Variants in HMMR observed in about 807,000 individuals in gnomAD.
The protein encoded by HMMR is hyaluronan mediated motility receptor.
HMMR carries 108 observed loss-of-function variants against 101.0 expected under a neutral mutation model. The ratio of observed to expected loss-of-function variants is 1.07; its 90% CI spans 0.92 to 1.25. The LOEUF (loss-of-function observed/expected upper bound fraction) is 1.25, where lower values mean the gene tolerates loss of function less well. HMMR is among the 50% of genes most tolerant of loss of function. The pLI is 0.00. For missense variants in HMMR, 813 were observed against 788.7 expected (o/e 1.03, Z -0.37); for synonymous variants, 296 against 276.4 (o/e 1.07, Z -0.70).
At position 163,484,216 on chromosome 5, in the gene HMMR, T is replaced by C. The variant is rs767652329; in HGVS notation, c.1933T>C (p.Leu645=). 7.5e-6 allele frequency: 12 copies of C among 1,600,254 alleles called. No individual in the cohort carries two copies. The East Asian group carries it at 2.5e-4, about 33-fold the overall frequency. ...ACAAAAAATCAAGCATGTTGTGAAG[T>C]TGAAAGATGAAAATAGCCAACTCAA... is the stretch of plus-strand genomic sequence containing the variant. The part of the protein sequence containing the change: ...LKQKIKHVVK[L]KDENSQLKSE... Residue 645 remains leucine (L), a synonymous_variant, in exon 16 of 18, where the codon TTG becomes CTG. Coordinates refer to ENST00000393915, the MANE Select transcript of HMMR (RefSeq NM_001142556.2).
At chr5:163,484,290 G>T (rs1392294461) in intron 16 of HMMR, 45 bp downstream of exon 16, 4 of 1,003,304 alleles carry the variant, frequency 4.0e-6, no homozygotes, top group Admixed American at 2.6e-5. Flanking sequence ...TTGGAGTGGG[G>T]GTTATTCTAA....
At chr5:163,479,671 G>A (rs910533569) in intron 12 of HMMR, among the ~76,000 whole-genome samples, 5 of 151,988 alleles carry the variant, frequency 3.3e-5, no homozygotes, top group South Asian at 2.1e-4. Context: ...AAAAACAAAC[G>A]AAAAATAAAT....
chr5:163,486,135 T>C (rs1759469499), intron 16 of HMMR, among the ~76,000 whole-genome samples: 1 of 152,230 alleles, frequency 6.6e-6, no homozygotes, highest in South Asian at 2.1e-4. Context: ...CTCTTGCAAT[T>C]CTATATTAAT....
chr5:163,470,349 C>T (rs1758845964), intron 5 of HMMR, among the ~76,000 whole-genome samples: 1 of 152,192 alleles, frequency 6.6e-6, no homozygotes, highest in African/African-American at 2.4e-5. Context: ...AGGCCAGCCA[C>T]AGTGGCTCAC....
intron 3 of HMMR, 31 bp downstream of exon 3, chr5:163,464,833 T>G: frequency 7.6e-7 from 1 of 1,315,148 alleles, no homozygotes; most frequent in African/African-American, 1.5e-5. Flanking sequence ...AGCTGGTTTA[T>G]CAAGTGTATC....
chr5:163,469,743 GA>G lies in HMMR; in HGVS notation c.382del (p.Thr128HisfsTer17), dbSNP rs1758815650. 6.2e-7 allele frequency: 1 copy of G among 1,612,992 alleles called. No individual in the cohort carries two copies. The highest frequency in any genetic ancestry group is 8.5e-7 in the Non-Finnish European group (1 of 1,179,186). ...MEARLNAALR[E>X]KTSLSANNAT... is the part of the protein sequence containing the mutation. ...AGCAAGGCTAAATGCTGCACTAAGG[GA>G]AAAAACATCTCTCTCTGCAAATAAT... On this transcript the variant is annotated frameshift_variant, in exon 5 of 18. Coordinates refer to ENST00000393915, the MANE Select transcript of HMMR (RefSeq NM_001142556.2). LOFTEE classifies it high-confidence loss of function.
chr5:163,480,034 A>T (rs1316722867), intron 12 of HMMR, among the ~76,000 whole-genome samples: 1 of 152,212 alleles, frequency 6.6e-6, no homozygotes, highest in Non-Finnish European at 1.5e-5. Flanking sequence ...AATACAAAAG[A>T]ATGCATAACA....
intron 16 of HMMR, among the ~76,000 whole-genome samples, chr5:163,489,551 T>G (rs148218682): frequency 5.3e-5 from 8 of 152,190 alleles, no homozygotes; most frequent in Non-Finnish European, 1.2e-4. Flanking sequence ...GAGTTTTCAG[T>G]GGACTTGTGG....
At chr5:163,475,371 C>A in intron 10 of HMMR, 87 bp from the exon 11 acceptor site, 1 of 646,558 alleles carries the variant, frequency 1.5e-6, no homozygotes, top group Non-Finnish European at 2.6e-6. Context: ...AGGTTTCATC[C>A]TTCTTTATCT....
At chr5:163,468,964 C>T (rs1758782729) in intron 4 of HMMR, among the ~76,000 whole-genome samples, 1 of 152,038 alleles carries the variant, frequency 6.6e-6, no homozygotes, top group Non-Finnish European at 1.5e-5. Flanking sequence ...CTCAGAAGCC[C>T]AGCTCTGCCT....
rs986207136 is a variant in HMMR, at chr5:163,467,805, G to T, written c.273+57G>T. 4 of 1,071,388 alleles carry T rather than the reference G, an allele frequency of 3.7e-6. No individual in the cohort carries two copies. The African/African-American group carries it at 6.3e-5, about 17-fold the overall frequency. The allele number at this position is 1,071,388 out of a possible 1,614,324, so 66.4% of individuals were successfully genotyped here. ...CACATGATAGAAAGAGAGTTACACA[G>T]ATTTAAGAGATAAGGATTCTGTTGC... On this transcript the variant is annotated intron_variant, in intron 4 of 17. Coordinates refer to ENST00000393915, the MANE Select transcript of HMMR (RefSeq NM_001142556.2).
intron 1 of HMMR, 75 bp downstream of exon 1, chr5:163,460,813 A>G: frequency 7.2e-7 from 1 of 1,385,608 alleles, no homozygotes; most frequent in Non-Finnish European, 1.0e-6. Context: ...CCTTCTTGGG[A>G]GGCAAGCAGG....
intron 10 of HMMR, among the ~76,000 whole-genome samples, chr5:163,475,230 T>C (rs1759029782): frequency 6.6e-6 from 1 of 152,058 alleles, no homozygotes; most frequent in Non-Finnish European, 1.5e-5. Context: ...AAGAAGTTTC[T>C]GCATGTGCGT....
intron 11 of HMMR, 83 bp from the exon 12 acceptor site, chr5:163,478,601 A>G (rs1226528252): frequency 2.5e-6 from 2 of 805,996 alleles, no homozygotes; most frequent in Admixed American, 1.8e-5. Context: ...TATGATTCAC[A>G]GTTTCAAAGG....
In HMMR at chr5:163,464,819, T is replaced by A; in HGVS notation, c.225+17T>A. 6.6e-7 allele frequency: 1 copy of A among 1,515,752 alleles called. No homozygotes were observed. Among genetic ancestry groups the A allele is most frequent in the Non-Finnish European group, 9.2e-7 (1 of 1,091,526 alleles). The allele number at this position is 1,515,752 out of a possible 1,614,324, so 93.9% of individuals were successfully genotyped here. A position where few individuals can be genotyped will look rare whatever the true frequency, so the allele number is the denominator to read the frequency against. On this transcript the variant is annotated intron_variant, in intron 3 of 17. Transcript: ENST00000393915. ...GAATCAAAGGTGAGGAGCTTTTATA[T>A]GCCAGCTGGTTTATCAAGTGTATCA...
chr5:163,478,828 A>C (rs1759158946), intron 12 of HMMR, 28 bp downstream of exon 12: 1 of 1,208,364 alleles, frequency 8.3e-7, no homozygotes, highest in South Asian at 1.2e-5. Flanking sequence ...CTGCACTCTT[A>C]AATATGATGT....
intron 16 of HMMR, among the ~76,000 whole-genome samples, chr5:163,490,152 A>G (rs1311957462): frequency 3.3e-5 from 5 of 152,212 alleles, no homozygotes; most frequent in African/African-American, 1.2e-4. Context: ...AACTTTTATC[A>G]GAAAAATAGC....
In HMMR at chr5:163,483,171, A is replaced by G. The variant is rs775687858; in HGVS notation, c.1684A>G (p.Arg562Gly). Residue 562 changes from arginine (R) to glycine (G), a missense_variant and splice_region_variant, in exon 14 of 18, where the codon AGA becomes GGA. Physicochemically the swap from Arg to Gly is moderately radical, Grantham distance 125. Transcript: ENST00000393915. ...AAAACAGCTGGAAGATGAAGAAGGA[A>G]GGTAATCTATGATTAGAACCTGAGT... Reference protein sequence around the residue: ...FRKQLEDEEGRKAEKENTTAE... With the variant: ...FRKQLEDEEGGKAEKENTTAE... The G allele has an allele frequency of 6.2e-7, 1 of 1,610,088 alleles. No individual in the cohort carries two copies. The highest frequency in any genetic ancestry group is 8.5e-7 in the Non-Finnish European group (1 of 1,178,634).
Position 163,475,479 on chromosome 5 carries a change from C to A in HMMR, c.1075C>A (p.Gln359Lys). 2 of 1,594,818 alleles carry A rather than the reference C, an allele frequency of 1.3e-6. No homozygotes were observed. The highest frequency in any genetic ancestry group is 1.1e-5 in the South Asian group (1 of 88,130). The change falls in exon 11 of 18, where the codon CAG becomes AAG. Residue 359 changes from glutamine (Q) to lysine (K), a missense_variant. By Grantham distance (53) the Gln-to-Lys change is moderately conservative. Coordinates refer to ENST00000393915, the MANE Select transcript of HMMR (RefSeq NM_001142556.2). ...QEKELSSSLH[Q>K]KLCSFQEEMV... ...ATAGGAATTATCTTCGAGTCTTCATCAGAAGCTCTGTTCTTTTCAAGAGGA... is the reference window on the plus strand; with the variant it reads ...ATAGGAATTATCTTCGAGTCTTCATAAGAAGCTCTGTTCTTTTCAAGAGGA...
Sources: gnomAD v4.1 joint callset for allele counts (sites outside exome capture counted in the v4.1 genomes callset) on GRCh38, gnomAD v4.1.1 for gene constraint, MANE v1.5 for transcripts, NCBI Gene and HGNC (gene_info 2026-07-23, HGNC 2026-07-21) for gene names.